ZBTB32: variants seen among roughly 807,000 people sequenced by gnomAD.
ZBTB32 encodes zinc finger and BTB domain-containing protein 32.
Under a neutral mutation model 45.3 loss-of-function variants are expected in ZBTB32, and 28 were observed. The ratio of observed to expected loss-of-function variants is 0.62; its 90% CI spans 0.46 to 0.85. The LOEUF is 0.85. Among genes scored for constraint, ZBTB32 ranks in the 40% least tolerant of loss-of-function variants. The pLI is 0.00. For synonymous variants in ZBTB32, 283 were observed against 255.7 expected (o/e 1.11, Z -1.02); for missense variants, 587 against 624.4 (o/e 0.94, Z 0.64).
chr19:35,706,376 C>T (rs1968543506), intron 1 of ZBTB32, among the ~76,000 whole-genome samples: 1 of 151,552 alleles, frequency 6.6e-6, no homozygotes, highest in Admixed American at 6.6e-5. Flanking sequence ...GGATGAACAT[C>T]GTAGTGGAGC....
intron 1 of ZBTB32, among the ~76,000 whole-genome samples, chr19:35,708,175 C>T (rs231587): frequency 0.01 from 1,541 of 152,172 alleles, 24 homozygotes; most frequent in African/African-American, 0.034. Flanking sequence ...CTAGCCTGCA[C>T]ATCCAAGCTC....
Position 35,715,343 on chromosome 19 carries a change from G to A in ZBTB32, c.717G>A (p.Leu239=), listed in dbSNP as rs1333859601. 6.2e-7 allele frequency: 1 copy of A among 1,608,072 alleles called. No individual in the cohort carries two copies. Among genetic ancestry groups the A allele is most frequent in the Non-Finnish European group, 8.5e-7 (1 of 1,177,984 alleles). ...LPGPLPPAGS[L]QTSVTPRPSW... ...GCCCCCTTCCCCCAGCAGGCTCCCT[G>A]CAAACCAGCGTCACCCCTAGGCCCT... The change falls in exon 3 of 7, where the codon CTG becomes CTA. Residue 239 remains leucine (L), a synonymous_variant. Coordinates refer to ENST00000392197, the MANE Select transcript of ZBTB32 (RefSeq NM_014383.3).
chr19:35,708,545 T>C (rs1032804462), intron 1 of ZBTB32, among the ~76,000 whole-genome samples: 8 of 152,140 alleles, frequency 5.3e-5, no homozygotes, highest in Admixed American at 4.6e-4. Flanking sequence ...TCCATATGAG[T>C]GCTGAAGAGA....
At chr19:35,711,738 C>T (rs982879752) in intron 1 of ZBTB32, among the ~76,000 whole-genome samples, 1 of 152,060 alleles carries the variant, frequency 6.6e-6, no homozygotes, top group African/African-American at 2.4e-5. Flanking sequence ...GATCCTTCCC[C>T]CTTAAGAGAA....
chr19:35,712,157 G>T (rs992140123), intron 1 of ZBTB32, among the ~76,000 whole-genome samples: 2 of 151,752 alleles, frequency 1.3e-5, no homozygotes, highest in Non-Finnish European at 2.9e-5. Context: ...TATACGCCAG[G>T]CACATATCAT....
rs938915755 is a variant in ZBTB32, at chr19:35,716,467, G to C, written c.1190-11G>C. The C allele has an allele frequency of 6.3e-7, 1 of 1,595,798 alleles. No individual in the cohort carries two copies. The highest frequency in any genetic ancestry group is 1.3e-5 in the African/African-American group (1 of 74,608). ...CCTTCCTTCACCGGCCTCCCCTTCC[G>C]ACCGCTCTAGGAGAGAAGCCCTTCT... On this transcript the variant is annotated splice_polypyrimidine_tract_variant and intron_variant, in intron 6 of 6. Transcript: ENST00000392197.
intron 1 of ZBTB32, among the ~76,000 whole-genome samples, chr19:35,711,608 G>A (rs770399777): frequency 2.0e-5 from 3 of 152,124 alleles, no homozygotes; most frequent in Admixed American, 6.6e-5. Context: ...GAGGGAAGGC[G>A]TGGTAGGCCT....
At chr19:35,710,958 G>GGGGAT (rs1293231007) in intron 1 of ZBTB32, among the ~76,000 whole-genome samples, 1 of 152,198 alleles carries the variant, frequency 6.6e-6, no homozygotes, top group East Asian at 1.9e-4. Context: ...CGGTCTCTAA[G>GGGGAT]GGGATATCCT....
At chr19:35,704,967 G>A (rs2053721628) in intron 1 of ZBTB32, among the ~76,000 whole-genome samples, 2 of 152,222 alleles carry the variant, frequency 1.3e-5, no homozygotes, top group African/African-American at 2.4e-5. Flanking sequence ...TCTCTGGACT[G>A]AGCCTGGATC....
chr19:35,716,197 C>T lies in ZBTB32; in HGVS notation c.1089C>T (p.Pro363=). The stretch of plus-strand genomic sequence containing the variant: ...GCTGCCCACCTCGCCCGCACCCTCC[C>T]CCGGCCCCTCCTGCTCGGTCTCGGC... ...KAGCPPRPHP[P]PAPPARSRPY... Residue 363 remains proline, a synonymous_variant, in exon 6 of 7, where the codon CCC becomes CCT. Coordinates refer to ENST00000392197, the MANE Select transcript of ZBTB32 (RefSeq NM_014383.3). 6.2e-7 allele frequency: 1 copy of T among 1,613,898 alleles called. No homozygotes were observed. Among genetic ancestry groups the T allele is most frequent in the Non-Finnish European group, 8.5e-7 (1 of 1,179,952 alleles).
chr19:35,706,030 A>G (rs1400036619), intron 1 of ZBTB32, among the ~76,000 whole-genome samples: 1 of 151,818 alleles, frequency 6.6e-6, no homozygotes, highest in African/African-American at 2.4e-5. Context: ...GAAGTTTGAG[A>G]CCAGCATGAC....
In ZBTB32 at chr19:35,714,700, G is replaced by T; in HGVS notation, c.74G>T (p.Arg25Leu). ...DRLVQLAARL[R>L]PALCDTLITV... ...CTGGTACAGCTAGCAGCCAGGCTCC[G>T]GCCAGCACTCTGTGATACTCTGATC... is the stretch of plus-strand genomic sequence containing the variant. Residue 25 changes from arginine (R) to leucine (L), a missense_variant, in exon 3 of 7, where the codon CGG (arginine) becomes CTG (leucine). Coordinates refer to ENST00000392197, the MANE Select transcript of ZBTB32 (RefSeq NM_014383.3). 6.2e-7 allele frequency: 1 copy of T among 1,612,632 alleles called. No homozygotes were observed. Among genetic ancestry groups the T allele is most frequent in the Non-Finnish European group, 8.5e-7 (1 of 1,179,294 alleles).
chr19:35,715,146 A>C lies in ZBTB32; in HGVS notation c.520A>C (p.Arg174=). Residue 174 remains arginine, a synonymous_variant, in exon 3 of 7, where the codon AGA becomes CGA. Coordinates refer to ENST00000392197, the MANE Select transcript of ZBTB32 (RefSeq NM_014383.3). ...MLHKHSPPRG[R]PEMAGATQEA... is the part of the protein sequence containing the mutation. ...GCACAAGCACTCGCCACCAAGAGGC[A>C]GACCCGAGATGGCAGGAGCAACGCA... 1.2e-6 allele frequency: 2 copies of C among 1,613,988 alleles called. No individual in the cohort carries two copies. The highest frequency in any genetic ancestry group is 3.3e-5 in the Admixed American group (2 of 60,022).
chr19:35,715,823 T>C lies in ZBTB32; in HGVS notation c.948T>C (p.Pro316=), dbSNP rs1158332227. The C allele has an allele frequency of 6.2e-7, 1 of 1,613,820 alleles. No individual in the cohort carries two copies. The highest frequency in any genetic ancestry group is 2.2e-5 in the East Asian group (1 of 44,878). ...AGAACCAGTTGGCCTCCTCCAGCCC[T>C]ACCCCAGGTAAGCCCCTCGCTGTCC... ...WSQNQLASSS[P]TPGSLPQGPA... is the part of the protein sequence containing the mutation. The change falls in exon 4 of 7, where the codon CCT becomes CCC. Residue 316 remains proline, a synonymous_variant. Transcript: ENST00000392197.
rs747806450 is a variant in ZBTB32 at position 35,714,673 on chromosome 19, G to A, written c.47G>A (p.Arg16Gln). 29 of 1,596,636 alleles carry A rather than the reference G, an allele frequency of 1.8e-5. No individual in the cohort carries two copies. Among genetic ancestry groups the A allele is most frequent in the South Asian group, 1.5e-4 (13 of 89,500 alleles). ...CTGCCCAGCCCCTATGGCTCTGATC[G>A]GCTGGTACAGCTAGCAGCCAGGCTC... ...IRLPSPYGSD[R>Q]LVQLAARLRP... Residue 16 changes from arginine to glutamine, a missense_variant, in exon 3 of 7, where the codon CGG becomes CAG. Transcript: ENST00000392197.
Position 35,716,720 on chromosome 19 carries a change from T to C in ZBTB32, c.1432T>C (p.Ser478Pro). 1 of 1,613,396 alleles carries C rather than the reference T, an allele frequency of 6.2e-7. No individual in the cohort carries two copies. Residue 478 changes from serine to proline, a missense_variant, in exon 7 of 7, where the codon TCT becomes CCT. Transcript: ENST00000392197. ...CTCGAGGCCGTCTCGGCCCTCGACC[T>C]CTCCCTGTTGTCCTTCTTCCTCCAC... ...SSSRPSRPST[S>P]PCCPSSSTT is the part of the protein sequence containing the mutation.
In ZBTB32 at chr19:35,716,747, A is replaced by C. The variant is rs148713946; in HGVS notation, c.1459A>C (p.Thr487Pro). Residue 487 changes from threonine to proline, a missense_variant, in exon 7 of 7, where the codon ACC (threonine) becomes CCC (proline). Transcript: ENST00000392197. ...TSPCCPSSST[T>P] ...TCCCTGTTGTCCTTCTTCCTCCACC[A>C]CCTGACGGGGTGTCGGTAGCGTCTT... 1.3e-4 allele frequency: 208 copies of C among 1,599,662 alleles called. No homozygotes were observed. Among genetic ancestry groups the C allele is most frequent in the Non-Finnish European group, 1.6e-4 (185 of 1,168,780 alleles).
chr19:35,711,589 A>G (rs1968694218), intron 1 of ZBTB32, among the ~76,000 whole-genome samples: 1 of 151,954 alleles, frequency 6.6e-6, no homozygotes, highest in Non-Finnish European at 1.5e-5. Context: ...ATGTGCCTGC[A>G]CCCATGTGGA....
chr19:35,712,024 CAAAAAAAAAAAA>C (rs773746029), intron 1 of ZBTB32, among the ~76,000 whole-genome samples: 31 of 54,822 alleles, frequency 5.7e-4, no homozygotes, highest in Middle Eastern at 7.4e-3. Flanking sequence ...GACTGCGTCT[CAAAAAAAAAAAA>C]AAAAAAAAAA....
Sources: allele counts gnomAD v4.1 joint callset (sites outside exome capture counted in the v4.1 genomes callset), GRCh38; gene constraint gnomAD v4.1.1; transcripts MANE v1.5; gene names NCBI Gene and HGNC (gene_info 2026-07-23, HGNC 2026-07-21).